Variants in WDR5 observed in about 807,000 individuals in gnomAD.
WDR5 encodes the protein WD repeat domain 5.
For synonymous variants in WDR5, 144 were observed against 161.6 expected, an observed-to-expected ratio of 0.89 and a Z score of 0.83; for missense variants, 187 against 416.9, an observed-to-expected ratio of 0.45 and a Z score of 4.80.
At chr9:134,155,852 C>G in intron 12 of WDR5, 85 bp downstream of exon 12, 1 of 1,252,662 alleles carries the variant, frequency 8.0e-7, no homozygotes, top group Non-Finnish European at 1.1e-6. Context: ...GCTTTATACT[C>G]AGAGACACTT....
intron 1 of WDR5, among the ~76,000 whole-genome samples, chr9:134,139,300 C>T (rs139215035): frequency 6.6e-6 from 1 of 152,172 alleles, no homozygotes; most frequent in Non-Finnish European, 1.5e-5. Flanking sequence ...CTGGAGCCCC[C>T]CCATGAGGCG....
intron 9 of WDR5, 122 bp from the exon 10 acceptor site, chr9:134,154,344 A>G (rs1213190529): frequency 3.1e-6 from 3 of 972,640 alleles, no homozygotes; most frequent in Non-Finnish European, 4.9e-6. Flanking sequence ...TGGTGCTGGC[A>G]CTGATGGTGG....
rs758583724 is a variant in WDR5, at chr9:134,155,758, T to C, written c.807T>C (p.Thr269=). 1.2e-6 allele frequency: 2 copies of C among 1,614,114 alleles called. No individual in the cohort carries two copies. Among genetic ancestry groups the C allele is most frequent in the South Asian group, 1.1e-5 (1 of 91,086 alleles). The change falls in exon 12 of 14, where the codon ACT becomes ACC. Residue 269 remains threonine (T), a synonymous_variant. Coordinates refer to ENST00000358625, the MANE Select transcript of WDR5 (RefSeq NM_017588.3). Reference sequence around the variant, plus strand: ...GCATATTTGCCAATTTCTCTGTTACTGGTGGGAAGGTGAGTCTCATAACCT... The same window carrying C: ...GCATATTTGCCAATTTCTCTGTTACCGGTGGGAAGGTGAGTCTCATAACCT... The part of the protein sequence containing the change: ...KYCIFANFSV[T]GGKWIVSGSE...
chr9:134,150,747 T>C (rs758815347), intron 8 of WDR5, among the ~76,000 whole-genome samples: 2 of 152,166 alleles, frequency 1.3e-5, no homozygotes, highest in Non-Finnish European at 2.9e-5. Flanking sequence ...TCTCAGTTGC[T>C]CAGTGCAGGA....
At chr9:134,144,212 T>C (rs1832051903) in intron 7 of WDR5, among the ~76,000 whole-genome samples, 1 of 152,204 alleles carries the variant, frequency 6.6e-6, no homozygotes, top group Non-Finnish European at 1.5e-5. Flanking sequence ...GCGGGCCCAG[T>C]GTCACTGCTG....
intron 7 of WDR5, 58 bp downstream of exon 7, chr9:134,142,777 A>T (rs1431515801): frequency 6.4e-7 from 1 of 1,566,822 alleles, no homozygotes; most frequent in African/African-American, 1.4e-5. Context: ...CTGACATCGG[A>T]TGTGGCCAGC....
intron 7 of WDR5, among the ~76,000 whole-genome samples, chr9:134,147,867 A>G (rs1832284091): frequency 6.6e-6 from 1 of 152,004 alleles, no homozygotes; most frequent in Non-Finnish European, 1.5e-5. Context: ...TATGAAGAAA[A>G]AAAAAAGGGT....
At chr9:134,140,882 A>C (rs1452654277) in intron 3 of WDR5, 71 bp downstream of exon 3, 1 of 1,458,400 alleles carries the variant, frequency 6.9e-7, no homozygotes, top group African/African-American at 1.4e-5. Flanking sequence ...TGGCGAGGGG[A>C]TGGCTTGCTT....
intron 5 of WDR5, 141 bp from the exon 6 acceptor site, chr9:134,142,192 G>A (rs1831929472): frequency 9.5e-7 from 1 of 1,056,604 alleles, no homozygotes; most frequent in South Asian, 1.5e-5. Flanking sequence ...GGGTGGGGGA[G>A]GCCGAGTTGA....
intron 7 of WDR5, among the ~76,000 whole-genome samples, chr9:134,143,673 G>A (rs890084051): frequency 1.3e-5 from 2 of 151,764 alleles, no homozygotes; most frequent in South Asian, 2.1e-4. Flanking sequence ...GACTACAGGC[G>A]CCCACCACCA....
chr9:134,136,077 A>T (rs957673129), upstream of WDR5: 10 of 104,668 alleles, frequency 9.6e-5, no homozygotes, highest in Non-Finnish European at 1.3e-4. Context: ...GCGCACGCGC[A>T]CTGCGCCCCC....
At chr9:134,149,471 A>G (rs1012804128) in intron 8 of WDR5, among the ~76,000 whole-genome samples, 6 of 152,290 alleles carry the variant, frequency 3.9e-5, no homozygotes, top group African/African-American at 1.4e-4. Flanking sequence ...TATAAAGGAT[A>G]CACTTCAGGA....
intron 1 of WDR5, among the ~76,000 whole-genome samples, chr9:134,138,015 T>A (rs1016120750): frequency 6.6e-6 from 1 of 152,214 alleles, no homozygotes; most frequent in Non-Finnish European, 1.5e-5. Context: ...GTGCTGAGAT[T>A]ACAGGCGTCA....
At chr9:134,155,221 C>T (rs1287309975) in intron 10 of WDR5, 119 bp from the exon 11 acceptor site, 5 of 1,252,612 alleles carry the variant, frequency 4.0e-6, no homozygotes, top group African/African-American at 1.6e-5. Flanking sequence ...GGGGTTCCAG[C>T]CCCGCTGGCT....
intron 1 of WDR5, among the ~76,000 whole-genome samples, chr9:134,138,523 G>A (rs1042802111): frequency 3.3e-5 from 5 of 152,224 alleles, no homozygotes; most frequent in Non-Finnish European, 7.3e-5. Context: ...ACCGAGGACC[G>A]GTTTTGTACT....
intron 7 of WDR5, 70 bp from the exon 8 acceptor site, chr9:134,148,218 A>T: frequency 2.3e-6 from 1 of 425,958 alleles, no homozygotes; most frequent in Non-Finnish European, 4.1e-6. Context: ...TTTTGAGATC[A>T]GGTAAGAAGC....
In WDR5 at chr9:134,136,512, C is replaced by T. The variant is rs528711053; in HGVS notation, c.-59+312C>T. Reference sequence around the variant, plus strand: ...TCTTTCCCGCAGGCAGCGTGCCCGGCCTCACATCGCCCCTCTCCCTCCACT... The same window carrying T: ...TCTTTCCCGCAGGCAGCGTGCCCGGTCTCACATCGCCCCTCTCCCTCCACT... On this transcript the variant is annotated intron_variant, in intron 1 of 13. Coordinates refer to ENST00000358625, the MANE Select transcript of WDR5 (RefSeq NM_017588.3). Among the ~76,000 whole-genome samples, 22 of 152,296 alleles carry T rather than the reference C, an allele frequency of 1.4e-4. No homozygotes were observed. In the East Asian group the frequency reaches 3.1e-3, roughly 21 times the overall value.
chr9:134,148,785 C>T (rs1013911554), intron 8 of WDR5, among the ~76,000 whole-genome samples: 4 of 152,106 alleles, frequency 2.6e-5, no homozygotes, highest in African/African-American at 9.7e-5. Context: ...TAGAGAAGGG[C>T]AGGAGGAAGA....
chr9:134,155,271 G>A (rs1001067740), intron 10 of WDR5, 69 bp from the exon 11 acceptor site: 193 of 1,478,168 alleles, frequency 1.3e-4, no homozygotes, highest in Non-Finnish European at 1.7e-4. Context: ...CGTAGTGGCT[G>A]CAGAGTTGGG....
Sources: gnomAD v4.1 joint callset for allele counts (sites outside exome capture counted in the v4.1 genomes callset) on GRCh38, gnomAD v4.1.1 for gene constraint, MANE v1.5 for transcripts, NCBI Gene and HGNC (gene_info 2026-07-23, HGNC 2026-07-21) for gene names.